SETD3: variants seen among roughly 807,000 people sequenced by gnomAD.
SETD3 encodes the protein actin-histidine N-methyltransferase.
Under a neutral mutation model 63.0 loss-of-function variants are expected in SETD3, and 19 were observed. The observed-to-expected ratio is 0.30, with a 90% CI of 0.21 to 0.44. The LOEUF (loss-of-function observed/expected upper bound fraction) is 0.44, where lower values mean the gene tolerates loss of function less well. SETD3 is among the 20% of genes least tolerant of loss of function. The pLI is 1.00. For missense variants in SETD3, 587 were observed against 728.5 expected, an observed-to-expected ratio of 0.81 and a Z score of 2.24; for synonymous variants, 286 against 264.1, an observed-to-expected ratio of 1.08 and a Z score of -0.80.
intron 6 of SETD3, among the ~76,000 whole-genome samples, chr14:99,457,649 T>C (rs957253075): frequency 1.3e-5 from 2 of 152,220 alleles, no homozygotes; most frequent in Non-Finnish European, 2.9e-5. Context: ...CCACACTGCC[T>C]CTCAGTCCTG....
Position 99,458,213 on chromosome 14 carries a change from T to C in SETD3, c.675+66A>G, listed in dbSNP as rs1158257755. The C allele has an allele frequency of 9.3e-6, 14 of 1,508,634 alleles. No homozygotes were observed. In the East Asian group the frequency reaches 2.3e-4, roughly 25 times the overall value. The allele number at this position is 1,508,634 out of a possible 1,614,324, so 93.5% of individuals were successfully genotyped here. ...AATAAGACATCAAATGGAATATTTA[T>C]GGACTCAATTCCTCTTTCCTCCCCA... On this transcript the variant is annotated intron_variant, in intron 6 of 12. Transcript: ENST00000331768.
rs767984025 is a variant in SETD3 at position 99,410,164 on chromosome 14, AT to A, written c.849+2786del. Reference sequence around the variant, plus strand: ...AGTGAGTCCCGTAAGTGCCTAAGGAATGGAGGGTCTTAGGCAGAGGCGACAG... The same window carrying A: ...AGTGAGTCCCGTAAGTGCCTAAGGAAGGAGGGTCTTAGGCAGAGGCGACAG... On this transcript the variant is annotated intron_variant, in intron 8 of 12. Coordinates refer to ENST00000331768, the MANE Select transcript of SETD3 (RefSeq NM_032233.3). 7.5e-6 allele frequency: 12 copies of A among 1,591,292 alleles called. No individual in the cohort carries two copies. The African/African-American group carries it at 1.5e-4, about 20-fold the overall frequency.
chr14:99,481,243 G>T, upstream of SETD3: 1 of 395,246 alleles, frequency 2.5e-6, no homozygotes, highest in Non-Finnish European at 4.5e-6. Flanking sequence ...TCCTCCCTCT[G>T]TAAGCAGCAG....
In SETD3 at chr14:99,420,080, G is replaced by A. The variant is rs1216603120; in HGVS notation, c.676-6146C>T. Among the ~76,000 whole-genome samples the A allele has an allele frequency of 3.3e-5, 5 of 152,314 alleles. No individual in the cohort carries two copies. The East Asian group carries it at 9.7e-4, about 29-fold the overall frequency. On this transcript the variant is annotated intron_variant, in intron 6 of 12. Coordinates refer to ENST00000331768, the MANE Select transcript of SETD3 (RefSeq NM_032233.3). ...GTGACCAAAAAACCACAAAAGGATG[G>A]TAGGCAAGGTCATGCAAATCCCTCT...
intron 6 of SETD3, among the ~76,000 whole-genome samples, chr14:99,425,872 C>T (rs1892853804): frequency 6.6e-6 from 1 of 152,178 alleles, no homozygotes; most frequent in South Asian, 2.1e-4. Context: ...CATTTTCCAA[C>T]ATAGGTTTTT....
At chr14:99,456,860 G>A (rs563199797) in intron 6 of SETD3, among the ~76,000 whole-genome samples, 8 of 152,272 alleles carry the variant, frequency 5.3e-5, no homozygotes, top group South Asian at 2.1e-4. Flanking sequence ...ACGCCAAGTC[G>A]GTTATCAGAA....
chr14:99,470,549 C>T (rs1020325224), intron 1 of SETD3, among the ~76,000 whole-genome samples: 2 of 152,176 alleles, frequency 1.3e-5, no homozygotes, highest in Non-Finnish European at 2.9e-5. Flanking sequence ...TCTGTTCCCC[C>T]CAAAAACAAG....
In SETD3 at chr14:99,397,770, A is replaced by G. The variant is rs1891173618; in HGVS notation, c.*909T>C. The G allele has an allele frequency of 1.3e-5, 2 of 152,246 alleles. No individual in the cohort carries two copies. The highest frequency in any genetic ancestry group is 4.1e-4 in the South Asian group (2 of 4,834). 9.4% of individuals were successfully genotyped at this position (152,246 alleles called of 1,614,324 possible). A position where few individuals can be genotyped will look rare whatever the true frequency, so the allele number is the denominator to read the frequency against. On this transcript the variant is annotated 3_prime_UTR_variant, in exon 13 of 13. Coordinates refer to ENST00000331768, the MANE Select transcript of SETD3 (RefSeq NM_032233.3). ...ATATTAATCATGTTTTTCTTTTAAT[A>G]AGGGTTTTTACTCAAAAGTGTAGCT...
At chr14:99,399,255 T>C (rs1891250140) in intron 12 of SETD3, 130 bp from the exon 13 acceptor site, 1 of 667,822 alleles carries the variant, frequency 1.5e-6, no homozygotes, top group Admixed American at 2.8e-5. Flanking sequence ...AACACTTGAC[T>C]GGGCAGGTGG....
intron 6 of SETD3, among the ~76,000 whole-genome samples, chr14:99,446,557 G>A (rs893455861): frequency 6.6e-6 from 1 of 152,122 alleles, no homozygotes; most frequent in African/African-American, 2.4e-5. Context: ...TGTATTCCAT[G>A]CCCCTATGGG....
chr14:99,421,665 C>T (rs1211786873), intron 6 of SETD3, among the ~76,000 whole-genome samples: 3 of 152,100 alleles, frequency 2.0e-5, no homozygotes, highest in Admixed American at 6.6e-5. Context: ...GTGCCGGGCA[C>T]TCTATCGAGA....
chr14:99,478,646 C>A (rs1021346627), intron 1 of SETD3: 1 of 152,190 alleles, frequency 6.6e-6, no homozygotes, highest in South Asian at 2.1e-4. Flanking sequence ...TACAACTCTA[C>A]ACAGCACAAA....
At chr14:99,450,839 C>T (rs1009932600) in intron 6 of SETD3, among the ~76,000 whole-genome samples, 5 of 152,142 alleles carry the variant, frequency 3.3e-5, no homozygotes, top group Non-Finnish European at 7.3e-5. Context: ...GTCTCTATTC[C>T]GTTAAACCCT....
intron 4 of SETD3, 135 bp from the exon 5 acceptor site, chr14:99,459,320 C>A: frequency 2.0e-6 from 1 of 507,862 alleles, no homozygotes; most frequent in Non-Finnish European, 3.5e-6. Flanking sequence ...AATAAATATT[C>A]AAATACATTT....
chr14:99,457,249 T>G (rs777092037), intron 6 of SETD3, among the ~76,000 whole-genome samples: 19 of 152,214 alleles, frequency 1.2e-4, no homozygotes, highest in Non-Finnish European at 2.1e-4. Context: ...TCCTAATGAC[T>G]TCCTAAAGTT....
At chr14:99,427,231 C>T (rs116363329) in intron 6 of SETD3, among the ~76,000 whole-genome samples, 2,432 of 152,276 alleles carry the variant, frequency 0.016, 61 homozygotes, top group African/African-American at 0.055. Context: ...CTTTGTATTA[C>T]GAAACAGACA....
chr14:99,480,961 G>A (rs2277462), upstream of SETD3: 51 of 153,086 alleles, frequency 3.3e-4, 1 homozygote, highest in East Asian at 8.7e-3. Flanking sequence ...TCGGACGCAT[G>A]GGCGCGGCCC....
At chr14:99,399,218 G>A in intron 12 of SETD3, 93 bp from the exon 13 acceptor site, 1 of 1,098,912 alleles carries the variant, frequency 9.1e-7, no homozygotes, top group Middle Eastern at 2.1e-4. Flanking sequence ...GGACATGAGG[G>A]AACTTTTTGG....
chr14:99,472,360 T>C (rs771672164), intron 1 of SETD3, among the ~76,000 whole-genome samples: 2 of 152,224 alleles, frequency 1.3e-5, no homozygotes, highest in African/African-American at 4.8e-5. Context: ...TTGCCTTCTT[T>C]TAGCAATCAA....
Sources: gnomAD v4.1 joint callset for allele counts (sites outside exome capture counted in the v4.1 genomes callset) on GRCh38, gnomAD v4.1.1 for gene constraint, MANE v1.5 for transcripts, NCBI Gene and HGNC (gene_info 2026-07-23, HGNC 2026-07-21) for gene names.